SLC36A1: variants seen among roughly 807,000 people sequenced by gnomAD.
The protein encoded by SLC36A1 is proton-coupled amino acid transporter 1.
Under a neutral mutation model 47.5 loss-of-function variants are expected in SLC36A1, and 30 were observed. The ratio of observed to expected loss-of-function variants is 0.63; its 90% CI spans 0.47 to 0.86. SLC36A1 has a LOEUF of 0.86. Among genes scored for constraint, SLC36A1 ranks in the 40% least tolerant of loss-of-function variants. The probability of loss-of-function intolerance (pLI) is 0.00; values close to 1 mark genes in which losing one functional copy is unlikely to be tolerated. For missense variants in SLC36A1, 517 were observed against 606.0 expected, an observed-to-expected ratio of 0.85 and a Z score of 1.54; for synonymous variants, 255 against 249.7, an observed-to-expected ratio of 1.02 and a Z score of -0.20.
the SLC36A1 span, among the ~76,000 whole-genome samples, chr5:151,498,009 A>C: frequency 6.6e-6 from 1 of 150,758 alleles, no homozygotes; most frequent in Non-Finnish European, 1.5e-5. Context: ...ACAATGGTGC[A>C]ATCTTGGCTC....
chr5:151,477,188 T>G (rs944934711), intron 9 of SLC36A1, among the ~76,000 whole-genome samples: 2 of 152,178 alleles, frequency 1.3e-5, no homozygotes, highest in African/African-American at 2.4e-5. Context: ...GGAGTCCTTT[T>G]GTACCTCCCT....
chr5:151,469,251 G>C (rs1418353951), intron 7 of SLC36A1: 1 of 701,154 alleles, frequency 1.4e-6, no homozygotes, highest in South Asian at 1.5e-5. Context: ...TCTAGATCCT[G>C]TGAATGGATT....
the SLC36A1 span, among the ~76,000 whole-genome samples, chr5:151,418,468 G>T: frequency 6.6e-6 from 1 of 152,218 alleles, no homozygotes; most frequent in African/African-American, 2.4e-5. Context: ...ACTTGCATCC[G>T]TGTGACCTGG....
At chr5:151,377,638 C>T in the SLC36A1 span, among the ~76,000 whole-genome samples, 185 of 151,938 alleles carry the variant, frequency 1.2e-3, no homozygotes, top group Admixed American at 2.5e-3. Flanking sequence ...TGAGCCACCG[C>T]GCCCGGCCTG....
chr5:151,379,860 T>C, the SLC36A1 span, among the ~76,000 whole-genome samples: 1 of 152,190 alleles, frequency 6.6e-6, no homozygotes, highest in African/African-American at 2.4e-5. Flanking sequence ...AAGCGCTCAA[T>C]GTGGCTAGCA....
chr5:151,512,458 A>T, the SLC36A1 span: 2 of 1,614,246 alleles, frequency 1.2e-6, no homozygotes, highest in East Asian at 2.2e-5. This position sits in a 1 kb window ranked among gnomAD's most constrained non-coding sequence, Gnocchi z 4.1. Context: ...GGTGTTGCCC[A>T]TGCTGTCAAC....
At chr5:151,382,128 C>A in the SLC36A1 span, 1 of 887,032 alleles carries the variant, frequency 1.1e-6, no homozygotes, top group Non-Finnish European at 1.9e-6. Context: ...AGAGCACGAC[C>A]CTTTCAAGCA....
the SLC36A1 span, among the ~76,000 whole-genome samples, chr5:151,517,018 G>A: frequency 9.2e-5 from 14 of 151,530 alleles, no homozygotes; most frequent in Non-Finnish European, 2.1e-4. Context: ...TGAGGCAGGA[G>A]AATCGCTTGA....
At chr5:151,547,251 C>G in the SLC36A1 span, among the ~76,000 whole-genome samples, 1 of 152,184 alleles carries the variant, frequency 6.6e-6, no homozygotes, top group Non-Finnish European at 1.5e-5. Context: ...AGCCTGTGAG[C>G]TATCCTCTTT....
At chr5:151,509,779 C>A in the SLC36A1 span, 1 of 473,816 alleles carries the variant, frequency 2.1e-6, no homozygotes, top group Non-Finnish European at 3.8e-6. Context: ...ATGTCATGTG[C>A]TTGAATCATC....
At chr5:151,536,908 A>G in the SLC36A1 span, among the ~76,000 whole-genome samples, 2 of 152,128 alleles carry the variant, frequency 1.3e-5, no homozygotes, top group Non-Finnish European at 2.9e-5. Context: ...TCTGGGCACC[A>G]GTTTCTGGCC....
At chr5:151,455,941 G>T (rs1388055096) in intron 1 of SLC36A1, among the ~76,000 whole-genome samples, 1 of 152,186 alleles carries the variant, frequency 6.6e-6, no homozygotes, top group African/African-American at 2.4e-5. Flanking sequence ...AGCATTTTAT[G>T]ACTTAGTGGT....
chr5:151,360,769 TA>T, the SLC36A1 span, among the ~76,000 whole-genome samples: 1 of 152,246 alleles, frequency 6.6e-6, no homozygotes, highest in Non-Finnish European at 1.5e-5. Context: ...GTCAGATTTT[TA>T]AATGCCAATT....
At chr5:151,385,007 A>AGTGTGT in the SLC36A1 span, among the ~76,000 whole-genome samples, 26 of 102,018 alleles carry the variant, frequency 2.5e-4, 1 homozygote, top group African/African-American at 1.5e-3. Flanking sequence ...AGAGAGAGAG[A>AGTGTGT]GAGTGTGTGT....
chr5:151,550,353 G>C, the SLC36A1 span, among the ~76,000 whole-genome samples: 1 of 152,098 alleles, frequency 6.6e-6, no homozygotes, highest in Non-Finnish European at 1.5e-5. Context: ...AAATATCTGG[G>C]GTGAGTCCAG....
the SLC36A1 span, among the ~76,000 whole-genome samples, chr5:151,423,828 A>G: frequency 4.6e-5 from 7 of 152,244 alleles, no homozygotes; most frequent in Non-Finnish European, 7.3e-5. Flanking sequence ...CCCTGATACA[A>G]CAAATGTACT....
the SLC36A1 span, among the ~76,000 whole-genome samples, chr5:151,364,119 A>C: frequency 4.6e-5 from 7 of 152,148 alleles, no homozygotes; most frequent in African/African-American, 1.7e-4. Flanking sequence ...AGTTTTGATA[A>C]ATTTTAACTT....
the SLC36A1 span, among the ~76,000 whole-genome samples, chr5:151,369,008 C>G: frequency 6.6e-6 from 1 of 152,168 alleles, no homozygotes. Context: ...CATGCTAACA[C>G]GTGGATGGAA....
chr5:151,515,916 C>T, the SLC36A1 span, among the ~76,000 whole-genome samples: 1 of 152,160 alleles, frequency 6.6e-6, no homozygotes, highest in East Asian at 1.9e-4. Flanking sequence ...AGAATAAAAG[C>T]CAAAGTCCTT....
Sources: allele counts gnomAD v4.1 joint callset (sites outside exome capture counted in the v4.1 genomes callset), GRCh38; gene constraint gnomAD v4.1.1; non-coding constraint Gnocchi (gnomAD v3.1); transcripts MANE v1.5; gene names NCBI Gene and HGNC (gene_info 2026-07-23, HGNC 2026-07-21).